KSR2: variants seen among roughly 807,000 people sequenced by gnomAD.
The protein encoded by KSR2 is kinase suppressor of ras 2.
A neutral mutation model predicts 107.8 loss-of-function variants in KSR2; 25 were observed. The observed-to-expected ratio is 0.23, with a 90% CI of 0.17 to 0.32. KSR2 has a LOEUF of 0.32. KSR2 is among the 10% of genes least tolerant of loss of function. KSR2 has a pLI of 1.00. For missense variants in KSR2, 887 were observed against 1,268.9 expected (o/e 0.70, Z 4.57); for synonymous variants, 480 against 507.0 (o/e 0.95, Z 0.71).
chr12:117,484,389 T>C (rs1400271605), intron 16 of KSR2, 27 bp downstream of exon 16: 3 of 1,612,328 alleles, frequency 1.9e-6, no homozygotes, highest in African/African-American at 1.3e-5. Context: ...GTCAGGAAAC[T>C]CTCCGGGTCT....
chr12:117,610,749 A>C (rs951792931), intron 5 of KSR2, among the ~76,000 whole-genome samples: 4 of 151,624 alleles, frequency 2.6e-5, no homozygotes, highest in African/African-American at 9.7e-5. Flanking sequence ...AAAAAAAAAA[A>C]AAAAAACAGA....
chr12:117,534,058 G>A lies in KSR2; in HGVS notation c.1688-2351C>T, dbSNP rs117013398. On this transcript the variant is annotated intron_variant, in intron 10 of 19. Transcript: ENST00000339824. The stretch of plus-strand genomic sequence containing the variant: ...CTGCTCAGGAGAGCAGAGTGGCTCC[G>A]GGCTTTCTGGCATCCAAGATGACTC... Among the ~76,000 whole-genome samples, 629 of 152,014 alleles carry A rather than the reference G, an allele frequency of 4.1e-3. 4 individuals carry two copies. Among genetic ancestry groups the A allele is most frequent in the Non-Finnish European group, 4.5e-3 (305 of 67,974 alleles).
At chr12:117,941,681 CAGT>C (rs1350562924) in intron 1 of KSR2, among the ~76,000 whole-genome samples, 1 of 120,408 alleles carries the variant, frequency 8.3e-6, no homozygotes, top group Non-Finnish European at 1.6e-5. Flanking sequence ...GGCTGGAGTG[CAGT>C]GGCACGATCT....
At chr12:117,725,721 A>G (rs958839391) in intron 4 of KSR2, among the ~76,000 whole-genome samples, 3 of 152,162 alleles carry the variant, frequency 2.0e-5, no homozygotes, top group African/African-American at 7.2e-5. Context: ...ACACCTAGGC[A>G]GATCACCTGA....
At chr12:117,862,775 G>A (rs1893352307) in intron 1 of KSR2, among the ~76,000 whole-genome samples, 1 of 146,626 alleles carries the variant, frequency 6.8e-6, no homozygotes, top group African/African-American at 2.6e-5. Context: ...TGTCGCCCAG[G>A]CTGGAGTACA....
chr12:117,814,346 T>C (rs959949101), intron 3 of KSR2, among the ~76,000 whole-genome samples: 17 of 152,248 alleles, frequency 1.1e-4, no homozygotes, highest in Non-Finnish European at 5.9e-5. Flanking sequence ...ATACATTGTA[T>C]GTATCAAAAT....
At chr12:117,510,671 C>T (rs1383753541) in intron 14 of KSR2, among the ~76,000 whole-genome samples, 1 of 152,050 alleles carries the variant, frequency 6.6e-6, no homozygotes, top group Non-Finnish European at 1.5e-5. Flanking sequence ...TGAGCTTAGG[C>T]GTTTGAGAAC....
intron 5 of KSR2, among the ~76,000 whole-genome samples, chr12:117,611,398 A>G (rs1319481167): frequency 6.9e-6 from 1 of 144,824 alleles, no homozygotes; most frequent in Non-Finnish European, 1.5e-5. Context: ...TGTGCATCTG[A>G]GCTTCATGAA....
chr12:117,877,608 G>A (rs1250553653), intron 1 of KSR2, among the ~76,000 whole-genome samples: 1 of 152,096 alleles, frequency 6.6e-6, no homozygotes, highest in East Asian at 1.9e-4. Context: ...TGCACTCTAA[G>A]GGCTAAGAAC....
intron 4 of KSR2, 112 bp from the exon 5 acceptor site, chr12:117,667,770 G>A: frequency 1.2e-6 from 1 of 847,272 alleles, no homozygotes; most frequent in Admixed American, 3.0e-5. Context: ...CCCACAGGGA[G>A]AAATTAGAAG....
At chr12:117,715,029 T>C (rs1886925593) in intron 4 of KSR2, among the ~76,000 whole-genome samples, 1 of 152,048 alleles carries the variant, frequency 6.6e-6, no homozygotes, top group Non-Finnish European at 1.5e-5. Flanking sequence ...GAAAAAAAAC[T>C]CTCCTGGTGG....
At chr12:117,883,437 T>C (rs1894085853) in intron 1 of KSR2, among the ~76,000 whole-genome samples, 1 of 152,162 alleles carries the variant, frequency 6.6e-6, no homozygotes, top group Admixed American at 6.6e-5. Flanking sequence ...TGAGATAAAA[T>C]TATGAACAAG....
At chr12:117,875,329 T>C (rs1593329267) in intron 1 of KSR2, among the ~76,000 whole-genome samples, 1 of 126,462 alleles carries the variant, frequency 7.9e-6, no homozygotes, top group Admixed American at 8.5e-5. Context: ...ACCCCTTAGG[T>C]GCTATTTTTT....
chr12:117,926,705 C>G (rs1008801427), intron 1 of KSR2, among the ~76,000 whole-genome samples: 1 of 152,232 alleles, frequency 6.6e-6, no homozygotes. Flanking sequence ...GGCCCAATGA[C>G]CTTCACCACC....
At chr12:117,683,084 G>T (rs889241512) in intron 4 of KSR2, among the ~76,000 whole-genome samples, 4 of 152,080 alleles carry the variant, frequency 2.6e-5, no homozygotes, top group Admixed American at 2.0e-4. Flanking sequence ...AGGTGAGGGG[G>T]CTGTGGATTT....
At chr12:117,943,877 C>A (rs144870940) in intron 1 of KSR2, among the ~76,000 whole-genome samples, 1,863 of 152,236 alleles carry the variant, frequency 0.012, 30 homozygotes, top group Non-Finnish European at 0.014. Flanking sequence ...CTCACAAGAT[C>A]TGATAATTTT....
intron 3 of KSR2, among the ~76,000 whole-genome samples, chr12:117,829,692 C>T (rs765399457): frequency 2.0e-5 from 3 of 152,182 alleles, no homozygotes; most frequent in Non-Finnish European, 4.4e-5. Flanking sequence ...ACTTCATGGA[C>T]CACACGGTCT....
At chr12:117,921,141 T>C (rs1049166271) in intron 1 of KSR2, among the ~76,000 whole-genome samples, 1 of 152,192 alleles carries the variant, frequency 6.6e-6, no homozygotes, top group African/African-American at 2.4e-5. Context: ...AGTTTCCTCA[T>C]CTGCAAAATA....
chr12:117,968,579 G>GGGA lies in KSR2; in HGVS notation c.-327_-325dup, dbSNP rs375945369. 3.4e-5 allele frequency: 25 copies of GGGA among 733,310 alleles called. No homozygotes were observed. Among genetic ancestry groups the GGGA allele is most frequent in the African/African-American group, 1.8e-4 (10 of 54,318 alleles). The allele number at this position is 733,310 out of a possible 1,614,324, so 45.4% of individuals were successfully genotyped here. A position where few individuals can be genotyped will look rare whatever the true frequency, so the allele number is the denominator to read the frequency against. ...TGATGTGATGCTGTCTGTACACTTA[G>GGGA]GGAGGAGGAGGAGGAGGAAAAAGAA... On this transcript the variant is annotated 5_prime_UTR_variant, in exon 1 of 20. Transcript: ENST00000339824.
Sources: allele counts gnomAD v4.1 joint callset (sites outside exome capture counted in the v4.1 genomes callset), GRCh38; gene constraint gnomAD v4.1.1; transcripts MANE v1.5; gene names NCBI Gene and HGNC (gene_info 2026-07-23, HGNC 2026-07-21).